UCP1: variants seen among roughly 807,000 people sequenced by gnomAD.
UCP1 encodes uncoupling protein 1, also known as mitochondrial brown fat uncoupling protein 1.
In UCP1, 24 loss-of-function variants were observed where a neutral mutation model predicts 26.2. That is an observed-to-expected ratio of 0.92 (90% CI 0.66 to 1.29). UCP1 has a LOEUF of 1.29. Ranked by LOEUF, UCP1 falls within the 50% of genes most tolerant of loss-of-function variation. UCP1 has a pLI of 0.00. For missense variants in UCP1, 402 were observed against 388.7 expected, an observed-to-expected ratio of 1.03 and a Z score of -0.29; for synonymous variants, 164 against 156.8, an observed-to-expected ratio of 1.05 and a Z score of -0.34.
rs1179979470 is a variant in UCP1, at chr4:140,568,764, G to A, written c.-35C>T. On this transcript the variant is annotated 5_prime_UTR_variant, in exon 1 of 6. Transcript: ENST00000262999. ...GAGACTGGAGATGCAGAGGAAAAGGGCTCCAGCCCCGAAGGTGGAGGAAGT... is the reference window on the plus strand; with the variant it reads ...GAGACTGGAGATGCAGAGGAAAAGGACTCCAGCCCCGAAGGTGGAGGAAGT... 2.6e-6 allele frequency: 4 copies of A among 1,558,040 alleles called. No individual in the cohort carries two copies. Among genetic ancestry groups the A allele is most frequent in the Admixed American group, 1.9e-5 (1 of 52,426 alleles).
rs774495998 is a variant in UCP1 at position 140,563,160 on chromosome 4, A to C, written c.578T>G (p.Val193Gly). The change falls in exon 4 of 6, where the codon GTA becomes GGA. Residue 193 changes from valine (V) to glycine (G), a missense_variant. Coordinates refer to ENST00000262999, the MANE Select transcript of UCP1 (RefSeq NM_021833.5). ...RSVIINCTELVTYDLMKEAFV... is the reference protein window; with the variant it reads ...RSVIINCTELGTYDLMKEAFV... ...GGCCTCCTTCATTAGATCATATGTTACTAGCTCTGTACAATTGATGATGAC... is the reference window on the plus strand; with the variant it reads ...GGCCTCCTTCATTAGATCATATGTTCCTAGCTCTGTACAATTGATGATGAC... 2 of 1,613,876 alleles carry C rather than the reference A, an allele frequency of 1.2e-6. No homozygotes were observed. Among genetic ancestry groups the C allele is most frequent in the Non-Finnish European group, 8.5e-7 (1 of 1,179,992 alleles).
At chr4:140,564,649 C>T (rs1735758152) in intron 2 of UCP1, among the ~76,000 whole-genome samples, 1 of 152,172 alleles carries the variant, frequency 6.6e-6, no homozygotes, top group African/African-American at 2.4e-5. Flanking sequence ...GTACTCTTCT[C>T]ATCATGCTTT....
Position 140,559,770 on chromosome 4 carries a change from G to A in UCP1, c.*126C>T. ...ATTTTCCTCTTTTTTATATAAAAAAGTCCAAAATTCTCTGCCAAAATTCCT... is the reference window on the plus strand; with the variant it reads ...ATTTTCCTCTTTTTTATATAAAAAAATCCAAAATTCTCTGCCAAAATTCCT... On this transcript the variant is annotated 3_prime_UTR_variant, in exon 6 of 6. Coordinates refer to ENST00000262999, the MANE Select transcript of UCP1 (RefSeq NM_021833.5). The A allele has an allele frequency of 1.1e-6, 1 of 886,960 alleles. No individual in the cohort carries two copies. The highest frequency in any genetic ancestry group is 1.6e-5 in the South Asian group (1 of 62,900). The allele number at this position is 886,960 out of a possible 1,614,324, so 54.9% of individuals were successfully genotyped here.
intron 2 of UCP1, among the ~76,000 whole-genome samples, chr4:140,564,387 T>A (rs1735753175): frequency 1.3e-5 from 2 of 152,232 alleles, no homozygotes; most frequent in South Asian, 4.1e-4. Flanking sequence ...CAGATTTCAT[T>A]AAGTACAAAT....
At chr4:140,562,470 TCAATGAAGATGTC>T in intron 4 of UCP1, 97 bp from the exon 5 acceptor site, 1 of 1,183,676 alleles carries the variant, frequency 8.4e-7, no homozygotes, top group Non-Finnish European at 1.2e-6. Flanking sequence ...TAACAGTAGG[TCAATGAAGATGTC>T]TTATAAATAA....
chr4:140,568,839 C>T lies in UCP1; in HGVS notation c.-110G>A. On this transcript the variant is annotated 5_prime_UTR_variant, in exon 1 of 6. Coordinates refer to ENST00000262999, the MANE Select transcript of UCP1 (RefSeq NM_021833.5). ...GTCCGCCGGGCAGCAAACCCGATTT[C>T]TGTTTTTTGAACCGACCGCCGGGCA... is the stretch of plus-strand genomic sequence containing the variant. The T allele has an allele frequency of 6.6e-7, 1 of 1,513,992 alleles. No individual in the cohort carries two copies. Among genetic ancestry groups the T allele is most frequent in the South Asian group, 1.2e-5 (1 of 83,198 alleles). The allele number at this position is 1,513,992 out of a possible 1,614,324, so 93.8% of individuals were successfully genotyped here.
intron 4 of UCP1, 134 bp downstream of exon 4, chr4:140,562,976 A>G (rs1735711232): frequency 1.3e-6 from 1 of 783,734 alleles, no homozygotes. Flanking sequence ...AAAGTTATAT[A>G]TGGTTCAAAA....
In UCP1 at chr4:140,563,415, T is replaced by C. The variant is rs749050572; in HGVS notation, c.429A>G (p.Ala143=). Residue 143 remains alanine (A), a synonymous_variant, in exon 3 of 6, where the codon GCA becomes GCG. Coordinates refer to ENST00000262999, the MANE Select transcript of UCP1 (RefSeq NM_021833.5). The part of the protein sequence containing the change: ...PTEVVKVRLQ[A]QSHLHGIKPR... ...GTTTGATTCCGTGGAGATGGCTCTGTGCTTGAAGTCTGACTTTCACGACCT... is the reference window on the plus strand; with the variant it reads ...GTTTGATTCCGTGGAGATGGCTCTGCGCTTGAAGTCTGACTTTCACGACCT... 24 of 1,614,040 alleles carry C rather than the reference T, an allele frequency of 1.5e-5. No homozygotes were observed. The African/African-American group carries it at 2.8e-4, about 19-fold the overall frequency.
chr4:140,568,774 C>T lies in UCP1; in HGVS notation c.-45G>A. 1 of 1,549,302 alleles carries T rather than the reference C, an allele frequency of 6.5e-7. No homozygotes were observed. On this transcript the variant is annotated 5_prime_UTR_variant, in exon 1 of 6. Coordinates refer to ENST00000262999, the MANE Select transcript of UCP1 (RefSeq NM_021833.5). ...ATGCAGAGGAAAAGGGCTCCAGCCC[C>T]GAAGGTGGAGGAAGTTCCTTTCCCT...
intron 4 of UCP1, 89 bp from the exon 5 acceptor site, chr4:140,562,462 A>G: frequency 7.8e-7 from 1 of 1,287,348 alleles, no homozygotes; most frequent in Non-Finnish European, 1.1e-6. Flanking sequence ...CCTATTGATA[A>G]CAGTAGGTCA....
At chr4:140,562,904 A>C (rs1735709429) in intron 4 of UCP1, among the ~76,000 whole-genome samples, 1 of 152,198 alleles carries the variant, frequency 6.6e-6, no homozygotes, top group South Asian at 2.1e-4. Flanking sequence ...TTTTGTTGCA[A>C]AATATTTTTG....
In UCP1 at chr4:140,568,893, C is replaced by CGGA; in HGVS notation, c.-167_-165dup. 1 of 1,108,844 alleles carries CGGA rather than the reference C, an allele frequency of 9.0e-7. No homozygotes were observed. Among genetic ancestry groups the CGGA allele is most frequent in the South Asian group, 1.5e-5 (1 of 65,108 alleles). 68.7% of individuals were successfully genotyped at this position (1,108,844 alleles called of 1,614,324 possible). A position where few individuals can be genotyped will look rare whatever the true frequency, so the allele number is the denominator to read the frequency against. ...GCGGTGCAGAGGCGGCGGCTGCAGA[C>CGGA]GGAGCGCGGTGTTGGGGGCCGAGTC... On this transcript the variant is annotated 5_prime_UTR_variant, in exon 1 of 6. Transcript: ENST00000262999.
At chr4:140,561,886 C>T (rs1180912128) in intron 5 of UCP1, among the ~76,000 whole-genome samples, 2 of 152,174 alleles carry the variant, frequency 1.3e-5, no homozygotes, top group African/African-American at 2.4e-5. Context: ...TTTCCCTCTA[C>T]TTTATAACTT....
In UCP1 at chr4:140,562,208, G is replaced by A. The variant is rs774544396; in HGVS notation, c.794C>T (p.Thr265Met). ...AMKVFTNEGP[T>M]AFFKGLVPSF... is the part of the protein sequence containing the mutation. ...CATATCTTACCCCTTGAAGAAAGCC[G>A]TTGGTCCTTCGTTAGTGAACACTTT... Residue 265 changes from threonine to methionine, a missense_variant, in exon 5 of 6, where the codon ACG becomes ATG. By Grantham distance (81) the Thr-to-Met change is moderately conservative (BLOSUM62 -1). Transcript: ENST00000262999. 1.9e-5 allele frequency: 31 copies of A among 1,614,018 alleles called. No individual in the cohort carries two copies. Among genetic ancestry groups the A allele is most frequent in the South Asian group, 9.9e-5 (9 of 91,092 alleles).
At chr4:140,566,124 T>C (rs1458698510) in intron 2 of UCP1, among the ~76,000 whole-genome samples, 1 of 152,234 alleles carries the variant, frequency 6.6e-6, no homozygotes, top group Non-Finnish European at 1.5e-5. Context: ...CTCTCTGTGA[T>C]GTTCATTCAA....
chr4:140,567,596 A>C (rs1464628003), intron 2 of UCP1, among the ~76,000 whole-genome samples, 183 bp downstream of exon 2: 1 of 152,256 alleles, frequency 6.6e-6, no homozygotes, highest in Non-Finnish European at 1.5e-5. Context: ...ATCTGCATCT[A>C]AAAAATCGAT....
rs148598275 is a variant in UCP1, at chr4:140,562,322, G to A, written c.680C>T (p.Thr227Ile). Reference sequence around the variant, plus strand: ...TACATCCACCGGGGAGGACATAGCTGTTGCGCAAAATCCAGCGATAAGAGC... The same window carrying A: ...TACATCCACCGGGGAGGACATAGCTATTGCGCAAAATCCAGCGATAAGAGC... The part of the protein sequence containing the change: ...VSALIAGFCA[T>I]AMSSPVDVVK... Residue 227 changes from threonine to isoleucine, a missense_variant, in exon 5 of 6, where the codon ACA (threonine) becomes ATA (isoleucine). Transcript: ENST00000262999. The A allele has an allele frequency of 1.3e-3, 2,031 of 1,614,128 alleles. 17 individuals are homozygous for A. The South Asian group carries it at 0.014, about 11-fold the overall frequency.
Position 140,563,334 on chromosome 4 carries a change from C to T in UCP1, c.510G>A (p.Leu170=), listed in dbSNP as rs1372912651. The T allele has an allele frequency of 1.2e-6, 2 of 1,614,026 alleles. No individual in the cohort carries two copies. The highest frequency in any genetic ancestry group is 1.7e-6 in the Non-Finnish European group (2 of 1,180,030). Residue 170 remains leucine (L), a synonymous_variant, in exon 3 of 6, where the codon TTG becomes TTA. Coordinates refer to ENST00000262999, the MANE Select transcript of UCP1 (RefSeq NM_021833.5). ...AYRIIATTEG[L]TGLWKGTTPN... ...GTTAGTTACCTTTCCAAAGACCCGTCAAGCCTTCGGTTGTTGCTATTATTC... is the reference window on the plus strand; with the variant it reads ...GTTAGTTACCTTTCCAAAGACCCGTTAAGCCTTCGGTTGTTGCTATTATTC...
rs1463588983 is a variant in UCP1, at chr4:140,567,934, C to A, written c.170G>T (p.Gly57Val). 1.2e-6 allele frequency: 2 copies of A among 1,614,168 alleles called. No individual in the cohort carries two copies. Among genetic ancestry groups the A allele is most frequent in the South Asian group, 2.2e-5 (2 of 91,084 alleles). Reference sequence around the variant, plus strand: ...CACAGCGGTGATTGTTCCCAGGACACCTTTATACCTAATAACACTGGACGT... The same window carrying A: ...CACAGCGGTGATTGTTCCCAGGACAACTTTATACCTAATAACACTGGACGT... ...CPTSSVIRYKGVLGTITAVVK... is the reference protein window; with the variant it reads ...CPTSSVIRYKVVLGTITAVVK... Residue 57 changes from glycine to valine, a missense_variant, in exon 2 of 6, where the codon GGT becomes GTT. By Grantham distance (109) the Gly-to-Val change is moderately radical. Coordinates refer to ENST00000262999, the MANE Select transcript of UCP1 (RefSeq NM_021833.5).
Sources: gnomAD v4.1 joint callset for allele counts (sites outside exome capture counted in the v4.1 genomes callset) on GRCh38, gnomAD v4.1.1 for gene constraint, MANE v1.5 for transcripts, NCBI Gene and HGNC (gene_info 2026-07-23, HGNC 2026-07-21) for gene names.